The following UBR4 variants were observed in gnomAD, a reference collection of about 807,000 sequenced individuals.
UBR4 encodes the protein E3 ubiquitin-protein ligase UBR4.
Under a neutral mutation model 575.6 loss-of-function variants are expected in UBR4, and 124 were observed. That is an observed-to-expected ratio of 0.22 (90% confidence interval 0.19 to 0.25). The LOEUF is 0.25. Among genes scored for constraint, UBR4 ranks in the 10% least tolerant of loss-of-function variants. The pLI, the probability that UBR4 is intolerant of heterozygous loss-of-function variation, is 1.00. For missense variants in UBR4, 4,818 were observed against 6,478.8 expected, an observed-to-expected ratio of 0.74 and a Z score of 8.80; for synonymous variants, 2,455 against 2,473.7, an observed-to-expected ratio of 0.99 and a Z score of 0.22.
In UBR4 at chr1:19,201,706, T is replaced by A. The variant is rs1313266754; in HGVS notation, c.274+12A>T. Reference sequence around the variant, plus strand: ...AGCCCTCAGAAGGGAAGGACAAGAGTGGAATACTTACTGAGACTGCAAACT... The same window carrying A: ...AGCCCTCAGAAGGGAAGGACAAGAGAGGAATACTTACTGAGACTGCAAACT... On this transcript the variant is annotated intron_variant, in intron 2 of 105. Transcript: ENST00000375254. 3 of 1,606,716 alleles carry A rather than the reference T, an allele frequency of 1.9e-6. No individual in the cohort carries two copies. Among genetic ancestry groups the A allele is most frequent in the Non-Finnish European group, 2.6e-6 (3 of 1,174,288 alleles).
chr1:19,148,644 C>T lies in UBR4; in HGVS notation c.7431-18G>A, dbSNP rs1366466987. 6.2e-7 allele frequency: 1 copy of T among 1,614,188 alleles called. No individual in the cohort carries two copies. On this transcript the variant is annotated intron_variant, in intron 49 of 105. Transcript: ENST00000375254. ...CAACCAGCCTGGGGAGACAGAAAAC[C>T]TGGCTTGAGTACAACACCGTTCTCT...
chr1:19,124,382 A>T, intron 65 of UBR4, 159 bp downstream of exon 65: 1 of 924,374 alleles, frequency 1.1e-6, no homozygotes, highest in Non-Finnish European at 1.6e-6. Flanking sequence ...CAGTTCTACC[A>T]CACAGTATGT....
In UBR4 at chr1:19,100,154, T is replaced by C; in HGVS notation, c.13221+222A>G. On this transcript the variant is annotated intron_variant, in intron 89 of 105. Coordinates refer to ENST00000375254, the MANE Select transcript of UBR4 (RefSeq NM_020765.3). This position sits in a 1 kb window ranked among gnomAD's most constrained non-coding sequence, Gnocchi z 4.2. ...CAACCAACAGCCATTAACAATATGCTTACTTCCTGCCAGGCACTGGGCAGA... is the reference window on the plus strand; with the variant it reads ...CAACCAACAGCCATTAACAATATGCCTACTTCCTGCCAGGCACTGGGCAGA... The C allele has an allele frequency of 1.7e-6, 1 of 575,930 alleles. No individual in the cohort carries two copies. The highest frequency in any genetic ancestry group is 3.1e-6 in the Non-Finnish European group (1 of 325,852). The allele number at this position is 575,930 out of a possible 1,614,324, so 35.7% of individuals were successfully genotyped here.
At chr1:19,078,776 G>A (rs1202599530) in intron 103 of UBR4, 1 of 152,258 alleles carries the variant, frequency 6.6e-6, no homozygotes, top group Non-Finnish European at 1.5e-5. Flanking sequence ...TTGGAATATG[G>A]GGAGCGACAG....
rs770288028 is a variant in UBR4 at position 19,155,033 on chromosome 1, A to G, written c.6343T>C (p.Tyr2115His). Residue 2115 changes from tyrosine (Y) to histidine (H), a missense_variant, in exon 44 of 106, where the codon TAC (tyrosine) becomes CAC (histidine). This residue lies in a region of UBR4 where 461 missense variants were observed against 606.9 expected (regional missense o/e 0.76). Coordinates refer to ENST00000375254, the MANE Select transcript of UBR4 (RefSeq NM_020765.3). ...QVAGGGVSVY[Y>H]SHVLQMLFFS... ...AACAACATCTGCAACACGTGGGAGT[A>G]GTACACGGACACACCACCGCCCGCC... 6.2e-7 allele frequency: 1 copy of G among 1,614,146 alleles called. No individual in the cohort carries two copies. Among genetic ancestry groups the G allele is most frequent in the Admixed American group, 1.7e-5 (1 of 60,022 alleles).
chr1:19,146,849 G>A lies in UBR4; in HGVS notation c.7781C>T (p.Ser2594Leu), dbSNP rs2084943423. ...ACCTGTTTCCATCTGGGGCAGCTTTGACTCCGTAAAGTGGACAAGGTTGTT... is the reference window on the plus strand; with the variant it reads ...ACCTGTTTCCATCTGGGGCAGCTTTAACTCCGTAAAGTGGACAAGGTTGTT... ...RPNNLVHFTE[S>L]KLPQMETEGM... Residue 2594 changes from serine (S) to leucine (L), a missense_variant, in exon 52 of 106, where the codon TCA becomes TTA. Around this residue, in one of 29 missense-constraint regions of UBR4, gnomAD observed 340 missense variants for 375.4 expected, o/e 0.91. Transcript: ENST00000375254. The A allele has an allele frequency of 3.1e-6, 5 of 1,613,686 alleles. No homozygotes were observed. Among genetic ancestry groups the A allele is most frequent in the African/African-American group, 1.3e-5 (1 of 74,928 alleles).
Position 19,086,284 on chromosome 1 carries a change from AGAGCAGGGACAAGC to A in UBR4, c.14688-28_14688-15del. 1 of 1,376,996 alleles carries A rather than the reference AGAGCAGGGACAAGC, an allele frequency of 7.3e-7. No homozygotes were observed. Among genetic ancestry groups the A allele is most frequent in the Non-Finnish European group, 9.6e-7 (1 of 1,037,868 alleles). The allele number at this position is 1,376,996 out of a possible 1,614,324, so 85.3% of individuals were successfully genotyped here. Reference sequence around the variant, plus strand: ...CCTCGAGCCAACCTGGATAGGGAGGAGAGCAGGGACAAGCGACTGCTGGCATTAACGTGGCAACC... The same window carrying A: ...CCTCGAGCCAACCTGGATAGGGAGGAGACTGCTGGCATTAACGTGGCAACC... On this transcript the variant is annotated splice_polypyrimidine_tract_variant and intron_variant, in intron 100 of 105. Coordinates refer to ENST00000375254, the MANE Select transcript of UBR4 (RefSeq NM_020765.3).
chr1:19,169,074 T>C (rs1237009313), intron 27 of UBR4, among the ~76,000 whole-genome samples: 1 of 151,864 alleles, frequency 6.6e-6, no homozygotes, highest in East Asian at 1.9e-4. Flanking sequence ...GTTCCTGACA[T>C]ACAACCTACA....
intron 49 of UBR4, among the ~76,000 whole-genome samples, chr1:19,148,891 G>A (rs571840692): frequency 5.3e-5 from 8 of 152,300 alleles, no homozygotes; most frequent in Admixed American, 3.3e-4. Flanking sequence ...TCCTCAAAGA[G>A]GATAAATGTG....
intron 100 of UBR4, 51 bp downstream of exon 100, chr1:19,086,628 G>A (rs1221736595): frequency 4.4e-6 from 7 of 1,602,912 alleles, no homozygotes; most frequent in Non-Finnish European, 6.0e-6. Context: ...CCCGCTCCAG[G>A]CCCACAGGCA....
At chr1:19,174,072 G>A (rs558330231) in intron 22 of UBR4, among the ~76,000 whole-genome samples, 1 of 152,248 alleles carries the variant, frequency 6.6e-6, no homozygotes, top group Admixed American at 6.5e-5. Context: ...AGGAGATATA[G>A]CACTTGGGGG....
chr1:19,209,926 T>C, intron 1 of UBR4, 147 bp downstream of exon 1: 2 of 1,319,818 alleles, frequency 1.5e-6, no homozygotes, highest in East Asian at 3.1e-5. Flanking sequence ...GGCAAGCCAG[T>C]CTCCCCGGGC....
intron 68 of UBR4, 95 bp from the exon 69 acceptor site, chr1:19,120,443 T>C: frequency 6.9e-7 from 1 of 1,441,786 alleles, no homozygotes; most frequent in Non-Finnish European, 9.4e-7. Flanking sequence ...GAGGGAATTC[T>C]GTCCATTTCT....
At chr1:19,099,064 G>C (rs1418058892) in intron 90 of UBR4, among the ~76,000 whole-genome samples, 1 of 152,192 alleles carries the variant, frequency 6.6e-6, no homozygotes, top group Non-Finnish European at 1.5e-5. Context: ...CATCACTCGT[G>C]GTGGCCAAAA....
In UBR4 at chr1:19,074,824, T is replaced by C. The variant is rs1366159197; in HGVS notation, c.*8A>G. ...TTCGTCTTCGCCGCCGCAGCTGCTG[T>C]GTGGTGGTCAGGGGACTGAGTTCAA... On this transcript the variant is annotated 3_prime_UTR_variant, in exon 106 of 106. Coordinates refer to ENST00000375254, the MANE Select transcript of UBR4 (RefSeq NM_020765.3). 11 of 1,613,978 alleles carry C rather than the reference T, an allele frequency of 6.8e-6. No homozygotes were observed. Among genetic ancestry groups the C allele is most frequent in the East Asian group, 2.2e-5 (1 of 44,878 alleles).
chr1:19,106,989 G>A (rs2079275700), intron 81 of UBR4, 23 bp from the exon 82 acceptor site: 2 of 1,610,678 alleles, frequency 1.2e-6, no homozygotes, highest in Non-Finnish European at 1.7e-6. Flanking sequence ...AGTGGAGCAA[G>A]GTGAGGGCGC....
In UBR4 at chr1:19,088,775, C is replaced by A; in HGVS notation, c.14414G>T (p.Gly4805Val). 6.2e-7 allele frequency: 1 copy of A among 1,613,578 alleles called. No homozygotes were observed. Among genetic ancestry groups the A allele is most frequent in the South Asian group, 1.1e-5 (1 of 91,044 alleles). ...MAMAMRQKAL[G>V]TLGMTTNEKG... ...TAGCTTTACCGTCATGCCCAGGGTG[C>A]CCAGGGCCTTCTGCCTCATTGCCAT... The change falls in exon 98 of 106, where the codon GGC becomes GTC. Residue 4805 changes from glycine (G) to valine (V), a missense_variant. This residue lies in a region of UBR4 where 196 missense variants were observed against 386.8 expected (regional missense o/e 0.51). Transcript: ENST00000375254. The surrounding 1 kb of genome is among the most constrained non-coding windows in gnomAD (Gnocchi z 4.0).
rs2083913354 is a variant in UBR4, at chr1:19,141,329, C to T, written c.8488+18G>A. 1 of 1,614,066 alleles carries T rather than the reference C, an allele frequency of 6.2e-7. No individual in the cohort carries two copies. The highest frequency in any genetic ancestry group is 8.5e-7 in the Non-Finnish European group (1 of 1,180,038). On this transcript the variant is annotated intron_variant, in intron 57 of 105. Coordinates refer to ENST00000375254, the MANE Select transcript of UBR4 (RefSeq NM_020765.3). Reference sequence around the variant, plus strand: ...TGCAAGGCCAATGGGCCGCTTTGTTCTTGGCATGGCCTTCTACCTTGTTGG... The same window carrying T: ...TGCAAGGCCAATGGGCCGCTTTGTTTTTGGCATGGCCTTCTACCTTGTTGG...
At chr1:19,123,451 TAAAAA>T (rs35963937) in intron 65 of UBR4, among the ~76,000 whole-genome samples, 1 of 135,818 alleles carries the variant, frequency 7.4e-6, no homozygotes, top group Non-Finnish European at 1.6e-5. Flanking sequence ...GACTTGGTCT[TAAAAA>T]AAAAAAAAAA....
Sources: allele counts gnomAD v4.1 joint callset (sites outside exome capture counted in the v4.1 genomes callset), GRCh38; gene constraint gnomAD v4.1.1; regional missense constraint gnomAD v4.1.1; non-coding constraint Gnocchi (gnomAD v3.1); transcripts MANE v1.5; gene names NCBI Gene and HGNC (gene_info 2026-07-23, HGNC 2026-07-21).